SLC25A13: variants seen among roughly 807,000 people sequenced by gnomAD.
SLC25A13 encodes electrogenic aspartate/glutamate antiporter SLC25A13, mitochondrial.
Under a neutral mutation model 85.5 loss-of-function variants are expected in SLC25A13, and 70 were observed. The observed-to-expected ratio is 0.82, with a 90% confidence interval of 0.68 to 1.00. The LOEUF is 1.00. Among genes scored for constraint, SLC25A13 ranks in the 50% least tolerant of loss-of-function variants. The pLI is 0.00. For synonymous variants in SLC25A13, 259 were observed against 288.7 expected, an observed-to-expected ratio of 0.90 and a Z score of 1.04; for missense variants, 765 against 819.8, an observed-to-expected ratio of 0.93 and a Z score of 0.82.
At chr7:96,249,195 A>C (rs907123996) in intron 3 of SLC25A13, among the ~76,000 whole-genome samples, 1 of 152,240 alleles carries the variant, frequency 6.6e-6, no homozygotes, top group Non-Finnish European at 1.5e-5. Flanking sequence ...CTGATTAAGT[A>C]GCATTTCTAG....
chr7:96,184,881 A>C lies in SLC25A13; in HGVS notation c.1018+46T>G, dbSNP rs56210033. 0.014 allele frequency: 19,982 copies of C among 1,410,318 alleles called. 220 individuals are homozygous for C. The highest frequency in any genetic ancestry group is 0.025 in the South Asian group (2,192 of 86,990). 87.4% of individuals were successfully genotyped at this position (1,410,318 alleles called of 1,614,324 possible). ...CAAGATGGAAAATCAGAGAAAAGAG[A>C]ATAGGAATAACAAAAGTGAAAATTT... On this transcript the variant is annotated intron_variant, in intron 10 of 17. Transcript: ENST00000265631.
At chr7:96,184,560 A>AAAATTC in intron 10 of SLC25A13, 125 bp from the exon 11 acceptor site, 1 of 884,824 alleles carries the variant, frequency 1.1e-6, no homozygotes, top group Non-Finnish European at 1.8e-6. Flanking sequence ...TACAGATTTT[A>AAAATTC]AAACAGTACT....
chr7:96,220,510 T>A (rs958261287), intron 4 of SLC25A13, among the ~76,000 whole-genome samples: 1 of 152,214 alleles, frequency 6.6e-6, no homozygotes, highest in African/African-American at 2.4e-5. Flanking sequence ...GCCTTGCAAC[T>A]GTTGGAAGAA....
At chr7:96,243,648 C>T (rs934964758) in intron 3 of SLC25A13, among the ~76,000 whole-genome samples, 8 of 151,988 alleles carry the variant, frequency 5.3e-5, no homozygotes, top group African/African-American at 9.7e-5. Context: ...TTGCCTAAAG[C>T]GGTCAGGAAA....
At position 96,186,066 on chromosome 7, in the gene SLC25A13, A is replaced by G. The variant is rs1228770488; in HGVS notation, c.934-1055T>C. Among the ~76,000 whole-genome samples, 4 of 152,180 alleles carry G rather than the reference A, an allele frequency of 2.6e-5. No individual in the cohort carries two copies. In the South Asian group the frequency reaches 8.3e-4, roughly 31 times the overall value. Reference sequence around the variant, plus strand: ...GATAACAAGCCTTCTGAAATTTGCCATTAAAGCAAGCATAAATAGAGAGAT... The same window carrying G: ...GATAACAAGCCTTCTGAAATTTGCCGTTAAAGCAAGCATAAATAGAGAGAT... On this transcript the variant is annotated intron_variant, in intron 9 of 17. Coordinates refer to ENST00000265631, the MANE Select transcript of SLC25A13 (RefSeq NM_014251.3).
intron 4 of SLC25A13, among the ~76,000 whole-genome samples, chr7:96,215,955 T>C (rs747296131): frequency 1.3e-4 from 19 of 151,892 alleles, no homozygotes; most frequent in South Asian, 6.2e-4. Flanking sequence ...AGGAGTTTGA[T>C]ACCAGCCTGG....
intron 4 of SLC25A13, among the ~76,000 whole-genome samples, chr7:96,212,530 T>G (rs1795738335): frequency 6.6e-6 from 1 of 152,196 alleles, no homozygotes; most frequent in Admixed American, 6.5e-5. Context: ...TAAACCATGA[T>G]CTGGGACCTG....
At chr7:96,273,855 T>C (rs1798337465) in intron 3 of SLC25A13, among the ~76,000 whole-genome samples, 1 of 152,184 alleles carries the variant, frequency 6.6e-6, no homozygotes, top group Non-Finnish European at 1.5e-5. Context: ...TGAGCCATTC[T>C]AGGAGGTGAA....
In SLC25A13 at chr7:96,277,129, T is replaced by C. The variant is rs1798482251; in HGVS notation, c.212+67A>G. ...AGGTATACATTTAATGACTTCCTGGTCATTAGAGCAAAAGAAAGCTGTTTC... is the reference window on the plus strand; with the variant it reads ...AGGTATACATTTAATGACTTCCTGGCCATTAGAGCAAAAGAAAGCTGTTTC... On this transcript the variant is annotated intron_variant, in intron 3 of 17. Transcript: ENST00000265631. 5.4e-6 allele frequency: 8 copies of C among 1,477,286 alleles called. No individual in the cohort carries two copies. In the South Asian group the frequency reaches 1.1e-4, roughly 20 times the overall value. 91.5% of individuals were successfully genotyped at this position (1,477,286 alleles called of 1,614,324 possible).
intron 14 of SLC25A13, 140 bp from the exon 15 acceptor site, chr7:96,132,021 A>G: frequency 9.3e-7 from 1 of 1,075,980 alleles, no homozygotes; most frequent in Non-Finnish European, 1.4e-6. Context: ...GGGAACAGAA[A>G]AAAATAACCC....
intron 4 of SLC25A13, among the ~76,000 whole-genome samples, chr7:96,230,500 A>G (rs1200960079): frequency 5.9e-5 from 9 of 152,354 alleles, no homozygotes; most frequent in Non-Finnish European, 5.9e-5. Context: ...TCACTGTCAC[A>G]TACAATAGGC....
intron 11 of SLC25A13, among the ~76,000 whole-genome samples, chr7:96,175,607 G>A (rs552072278): frequency 6.6e-5 from 10 of 152,294 alleles, no homozygotes; most frequent in Admixed American, 4.6e-4. Flanking sequence ...CAGGCTGTCC[G>A]ACTCCAGCCT....
At chr7:96,159,781 T>C (rs1793433610) in intron 13 of SLC25A13, among the ~76,000 whole-genome samples, 1 of 152,170 alleles carries the variant, frequency 6.6e-6, no homozygotes, top group African/African-American at 2.4e-5. Flanking sequence ...GATAATAAAA[T>C]AAATTCTTAC....
intron 11 of SLC25A13, among the ~76,000 whole-genome samples, chr7:96,179,673 C>T (rs1469862037): frequency 1.3e-5 from 2 of 152,146 alleles, no homozygotes; most frequent in Non-Finnish European, 1.5e-5. Flanking sequence ...TAAATGAAAA[C>T]GTGCAGAAAT....
intron 4 of SLC25A13, chr7:96,219,646 C>T (rs2116756465): frequency 1.9e-6 from 1 of 533,026 alleles, no homozygotes; most frequent in South Asian, 1.4e-5. Context: ...TCCCAAGCCC[C>T]ACACCCAAAA....
At chr7:96,281,846 A>C (rs966404960) in intron 2 of SLC25A13, among the ~76,000 whole-genome samples, 1 of 152,188 alleles carries the variant, frequency 6.6e-6, no homozygotes, top group Admixed American at 6.5e-5. Context: ...CAAGCTCATC[A>C]CCACGGCTGG....
intron 13 of SLC25A13, among the ~76,000 whole-genome samples, chr7:96,157,870 A>C (rs1187571880): frequency 1.3e-5 from 2 of 152,188 alleles, no homozygotes. Flanking sequence ...AAGGCAACAC[A>C]ATCCAGAGTT....
At chr7:96,123,223 C>T (rs1399766104) in intron 15 of SLC25A13, among the ~76,000 whole-genome samples, 1 of 152,144 alleles carries the variant, frequency 6.6e-6, no homozygotes, top group African/African-American at 2.4e-5. Flanking sequence ...ACTGAAATTC[C>T]TGTTCATTTG....
At chr7:96,302,628 C>T (rs141478780) in intron 1 of SLC25A13, among the ~76,000 whole-genome samples, 3,471 of 152,236 alleles carry the variant, frequency 0.023, 65 homozygotes, top group Non-Finnish European at 0.037. Context: ...TCAGATCAAC[C>T]CCAACTCTGG....
Sources: allele counts gnomAD v4.1 joint callset (sites outside exome capture counted in the v4.1 genomes callset), GRCh38; gene constraint gnomAD v4.1.1; transcripts MANE v1.5; gene names NCBI Gene and HGNC (gene_info 2026-07-23, HGNC 2026-07-21).